The following PROS1 variants were observed in gnomAD, a reference collection of about 807,000 sequenced individuals.
The protein encoded by PROS1 is protein S, also known as vitamin K-dependent protein S.
Under a neutral mutation model 75.9 loss-of-function variants are expected in PROS1, and 29 were observed. That is an observed-to-expected ratio of 0.38 (90% confidence interval 0.28 to 0.52). PROS1 has a LOEUF of 0.52. Among genes scored for constraint, PROS1 ranks in the 20% least tolerant of loss-of-function variants. The pLI is 0.83. For synonymous variants in PROS1, 245 were observed against 280.6 expected (o/e 0.87, Z 1.27); for missense variants, 680 against 810.3 (o/e 0.84, Z 1.95).
intron 3 of PROS1, among the ~76,000 whole-genome samples, chr3:93,915,132 A>T (rs1708821911): frequency 6.6e-6 from 1 of 152,196 alleles, no homozygotes; most frequent in Non-Finnish European, 1.5e-5. Context: ...CAAGCTTTAA[A>T]TCATTTCTCT....
chr3:93,887,143 C>G (rs9840934), intron 10 of PROS1, among the ~76,000 whole-genome samples: 1 of 152,002 alleles, frequency 6.6e-6, no homozygotes, highest in African/African-American at 2.4e-5. Flanking sequence ...TGGTCTCGAT[C>G]TCCTGACCTC....
At chr3:93,922,232 CT>C (rs547995502) in intron 3 of PROS1, among the ~76,000 whole-genome samples, 55 of 152,120 alleles carry the variant, frequency 3.6e-4, no homozygotes, top group African/African-American at 1.1e-3. Flanking sequence ...AAAATAATTT[CT>C]TTTTTTTATT....
In PROS1 at chr3:93,877,078, C is replaced by T; in HGVS notation, c.1758G>A (p.Leu586=). ...EFRVNRNNLE[L]STPLKIETIS... Reference sequence around the variant, plus strand: ...TGGTTTCTATTTTAAGTGGTGTCGACAACTCCAGATTGTTTCTGTTGACTC... The same window carrying T: ...TGGTTTCTATTTTAAGTGGTGTCGATAACTCCAGATTGTTTCTGTTGACTC... Residue 586 remains leucine (L), a synonymous_variant, in exon 14 of 15, where the codon TTG becomes TTA. Transcript: ENST00000394236. 1 of 1,613,228 alleles carries T rather than the reference C, an allele frequency of 6.2e-7. No individual in the cohort carries two copies. Among genetic ancestry groups the T allele is most frequent in the Non-Finnish European group, 8.5e-7 (1 of 1,179,282 alleles).
At chr3:93,959,408 G>T (rs1333489594) in intron 1 of PROS1, among the ~76,000 whole-genome samples, 1 of 152,154 alleles carries the variant, frequency 6.6e-6, no homozygotes, top group Non-Finnish European at 1.5e-5. Context: ...CTCACATCTA[G>T]TAATTTCTCA....
chr3:93,953,853 T>A (rs961921111), intron 1 of PROS1, among the ~76,000 whole-genome samples: 6 of 152,154 alleles, frequency 3.9e-5, no homozygotes, highest in African/African-American at 1.4e-4. Flanking sequence ...AAAATCTCCT[T>A]AAGCTGATAA....
At chr3:93,953,464 A>G (rs1396873765) in intron 1 of PROS1, among the ~76,000 whole-genome samples, 1 of 152,204 alleles carries the variant, frequency 6.6e-6, no homozygotes, top group Non-Finnish European at 1.5e-5. Flanking sequence ...TATAAACAGA[A>G]CCAAAGACAA....
intron 3 of PROS1, among the ~76,000 whole-genome samples, chr3:93,923,201 G>A (rs1423948720): frequency 6.6e-6 from 1 of 152,072 alleles, no homozygotes. Context: ...CCAGAAAAGC[G>A]GAAGTTAAGA....
At chr3:93,915,756 T>C (rs1576192320) in intron 3 of PROS1, among the ~76,000 whole-genome samples, 1 of 152,294 alleles carries the variant, frequency 6.6e-6, no homozygotes, top group Non-Finnish European at 1.5e-5. Flanking sequence ...TCTAAGAAGT[T>C]ACATTCTTTT....
At chr3:93,947,655 C>T (rs1182128604) in intron 1 of PROS1, among the ~76,000 whole-genome samples, 8 of 152,222 alleles carry the variant, frequency 5.3e-5, no homozygotes, top group East Asian at 3.9e-4. Context: ...CAAGCTCCAC[C>T]GCCCAGGTTC....
intron 1 of PROS1, among the ~76,000 whole-genome samples, chr3:93,952,037 C>G (rs1238029838): frequency 6.6e-6 from 1 of 152,110 alleles, no homozygotes; most frequent in Admixed American, 6.5e-5. Context: ...GCTAACAACC[C>G]TAAATATATA....
chr3:93,906,680 G>T (rs1372841850), intron 4 of PROS1, among the ~76,000 whole-genome samples: 4 of 152,218 alleles, frequency 2.6e-5, no homozygotes, highest in Non-Finnish European at 5.9e-5. Flanking sequence ...AGCTGCAGCT[G>T]CCCAAGCCTG....
At chr3:93,891,370 G>C (rs1170611332) in intron 10 of PROS1, among the ~76,000 whole-genome samples, 1 of 152,028 alleles carries the variant, frequency 6.6e-6, no homozygotes, top group African/African-American at 2.4e-5. Flanking sequence ...TGCTATTCTT[G>C]ATCATTAGAT....
intron 2 of PROS1, among the ~76,000 whole-genome samples, chr3:93,925,269 C>T (rs1369060338): frequency 6.6e-6 from 1 of 152,140 alleles, no homozygotes; most frequent in East Asian, 1.9e-4. Flanking sequence ...TCAATGTTAC[C>T]ACTTAGTAAG....
chr3:93,874,457 T>G (rs1284776157), intron 14 of PROS1, 52 bp from the exon 15 acceptor site: 15 of 1,600,966 alleles, frequency 9.4e-6, no homozygotes, highest in Non-Finnish European at 1.2e-5. Context: ...GCATCTTGTT[T>G]GTTTACAGTG....
intron 1 of PROS1, among the ~76,000 whole-genome samples, chr3:93,947,372 T>A (rs1485958663): frequency 6.6e-6 from 1 of 152,054 alleles, no homozygotes; most frequent in Non-Finnish European, 1.5e-5. Flanking sequence ...CTCCCTCTTC[T>A]GTTTGCAGAA....
At chr3:93,962,388 G>C (rs2107262328) in intron 1 of PROS1, among the ~76,000 whole-genome samples, 1 of 152,262 alleles carries the variant, frequency 6.6e-6, no homozygotes, top group South Asian at 2.1e-4. Flanking sequence ...CCAATTTTGA[G>C]TTATCTGACT....
At chr3:93,963,822 G>A (rs1328291247) in intron 1 of PROS1, among the ~76,000 whole-genome samples, 5 of 152,026 alleles carry the variant, frequency 3.3e-5, no homozygotes, top group African/African-American at 1.2e-4. Context: ...CTACCCCCAT[G>A]ACCAAAACAC....
Position 93,898,521 on chromosome 3 carries a change from T to A in PROS1, c.776A>T (p.Tyr259Phe). The A allele has an allele frequency of 6.2e-7, 1 of 1,612,826 alleles. No individual in the cohort carries two copies. The highest frequency in any genetic ancestry group is 8.5e-7 in the Non-Finnish European group (1 of 1,179,046). Residue 259 changes from tyrosine to phenylalanine, a missense_variant, in exon 8 of 15, where the codon TAC becomes TTC. Transcript: ENST00000394236. Reference protein sequence around the residue: ...ENMCAQLCVNYPGGYTCYCDG... With the variant: ...ENMCAQLCVNFPGGYTCYCDG... ...ACAATAGCAAGTGTAACCTCCAGGG[T>A]AATTGACACAAAGCTGAGCACACAT...
chr3:93,900,045 G>A (rs930235428), intron 7 of PROS1, among the ~76,000 whole-genome samples: 1 of 152,064 alleles, frequency 6.6e-6, no homozygotes, highest in African/African-American at 2.4e-5. Flanking sequence ...AATTAGTGTT[G>A]ATTAGTTCCA....
Sources: allele counts gnomAD v4.1 joint callset (sites outside exome capture counted in the v4.1 genomes callset), GRCh38; gene constraint gnomAD v4.1.1; transcripts MANE v1.5; gene names NCBI Gene and HGNC (gene_info 2026-07-23, HGNC 2026-07-21).